Variants in KIF19 observed in about 807,000 individuals in gnomAD.
The protein encoded by KIF19 is kinesin family member 19, also known as kinesin-like protein KIF19.
In KIF19, 98 loss-of-function variants were observed where a neutral mutation model predicts 106.6. That is an observed-to-expected ratio of 0.92 (90% CI 0.78 to 1.09). The LOEUF (loss-of-function observed/expected upper bound fraction) is 1.09, where lower values mean the gene tolerates loss of function less well. KIF19 is among the 50% of genes least tolerant of loss of function. The probability of loss-of-function intolerance (pLI) is 0.00; values close to 1 mark genes in which losing one functional copy is unlikely to be tolerated. For missense variants in KIF19, 1,373 were observed against 1,414.3 expected (o/e 0.97, Z 0.47); for synonymous variants, 516 against 584.2 (o/e 0.88, Z 1.68).
intron 2 of KIF19, among the ~76,000 whole-genome samples, chr17:74,335,975 A>C (rs2054211127): frequency 6.6e-6 from 1 of 152,242 alleles, no homozygotes; most frequent in Non-Finnish European, 1.5e-5. Flanking sequence ...TGTGGCTTCA[A>C]CAACAGCCAC....
intron 2 of KIF19, among the ~76,000 whole-genome samples, chr17:74,330,836 G>T (rs2054057123): frequency 6.6e-6 from 1 of 152,210 alleles, no homozygotes; most frequent in Admixed American, 6.5e-5. Context: ...AGCTGGAGGT[G>T]CGGAGAGTCT....
chr17:74,326,227 G>A lies in KIF19; in HGVS notation c.-123G>A, dbSNP rs983324086. On this transcript the variant is annotated 5_prime_UTR_variant, in exon 1 of 20. Coordinates refer to ENST00000389916, the MANE Select transcript of KIF19 (RefSeq NM_153209.4). ...AGCCGCTGGCGCGTTGTTGGTTTCG[G>A]GTTGTCAGGCAGCGCGCGAGGCGGC... 5 of 877,048 alleles carry A rather than the reference G, an allele frequency of 5.7e-6. No individual in the cohort carries two copies. The African/African-American group carries it at 7.1e-5, about 12-fold the overall frequency. The allele number at this position is 877,048 out of a possible 1,614,324, so 54.3% of individuals were successfully genotyped here.
Position 74,326,266 on chromosome 17 carries a change from C to A in KIF19, c.-84C>A. ...GCGCGAGGCGGCGGGCAGCTAGCAG[C>A]TGGCGGACGCGACCCGGAGGCGGTG... is the stretch of plus-strand genomic sequence containing the variant. On this transcript the variant is annotated 5_prime_UTR_variant, in exon 1 of 20. It adds an upstream start codon to the 5' untranslated region. Coordinates refer to ENST00000389916, the MANE Select transcript of KIF19 (RefSeq NM_153209.4). 2 of 1,315,672 alleles carry A rather than the reference C, an allele frequency of 1.5e-6. No homozygotes were observed. The highest frequency in any genetic ancestry group is 2.1e-6 in the Non-Finnish European group (2 of 959,224). The allele number at this position is 1,315,672 out of a possible 1,614,324, so 81.5% of individuals were successfully genotyped here. A position where few individuals can be genotyped will look rare whatever the true frequency, so the allele number is the denominator to read the frequency against.
chr17:74,354,050 G>A (rs2054799916), intron 17 of KIF19, 112 bp from the exon 18 acceptor site: 19 of 1,228,072 alleles, frequency 1.5e-5, no homozygotes, highest in Non-Finnish European at 2.1e-5. Flanking sequence ...CCCTGGAAGT[G>A]CTAGGATTGA....
chr17:74,336,898 T>C (rs773287019), intron 2 of KIF19, among the ~76,000 whole-genome samples: 3 of 152,190 alleles, frequency 2.0e-5, no homozygotes, highest in Non-Finnish European at 4.4e-5. Flanking sequence ...CAATCTTGGC[T>C]CACTGCAACC....
At position 74,354,313 on chromosome 17, in the gene KIF19, TGC is replaced by T. The variant is rs780448625; in HGVS notation, c.2464_2465del (p.Arg822AlafsTer21). On this transcript the variant is annotated frameshift_variant, in exon 18 of 20. Transcript: ENST00000389916. LOFTEE classifies it high-confidence loss of function. ...TGCACTCACTGAGCGAGGGCGACGATGCGCGGCCACCAGGCCCACTGGCCTGC... is the reference window on the plus strand; with the variant it reads ...TGCACTCACTGAGCGAGGGCGACGATGCGGCCACCAGGCCCACTGGCCTGC... ...SLHSLSEGDD[A>X]RPPGPLACKR... 1 of 1,608,490 alleles carries T rather than the reference TGC, an allele frequency of 6.2e-7. No homozygotes were observed. The highest frequency in any genetic ancestry group is 8.5e-7 in the Non-Finnish European group (1 of 1,178,218).
chr17:74,333,216 CA>C (rs1004307114), intron 2 of KIF19, among the ~76,000 whole-genome samples: 5 of 152,068 alleles, frequency 3.3e-5, no homozygotes, highest in Admixed American at 3.3e-4. Context: ...GGGAGGGGGT[CA>C]GGATTCTTTA....
intron 2 of KIF19, among the ~76,000 whole-genome samples, chr17:74,337,573 T>C (rs1283790110): frequency 6.6e-6 from 1 of 152,152 alleles, no homozygotes; most frequent in Non-Finnish European, 1.5e-5. Flanking sequence ...AGTCCGAAAT[T>C]CTCTCTCCAC....
chr17:74,332,439 T>C (rs1165691862), intron 2 of KIF19, among the ~76,000 whole-genome samples: 1 of 151,668 alleles, frequency 6.6e-6, no homozygotes, highest in Non-Finnish European at 1.5e-5. Flanking sequence ...AAGCTACAGA[T>C]CAAACAGCCG....
intron 4 of KIF19, 55 bp from the exon 5 acceptor site, chr17:74,342,969 G>A: frequency 6.5e-7 from 1 of 1,528,956 alleles, no homozygotes; most frequent in Non-Finnish European, 8.8e-7. Context: ...TGCCTGCCCA[G>A]CAAGGCCTCC....
At chr17:74,342,861 C>G (rs2054420572) in intron 4 of KIF19, 144 bp downstream of exon 4, 1 of 1,184,624 alleles carries the variant, frequency 8.4e-7, no homozygotes, top group Non-Finnish European at 1.2e-6. Context: ...GCCCCAGAGG[C>G]CCCAACCCGA....
In KIF19 at chr17:74,355,418, C is replaced by A; in HGVS notation, c.*106C>A. On this transcript the variant is annotated 3_prime_UTR_variant, in exon 20 of 20. Transcript: ENST00000389916. ...GATGGAGATGACCAGGAAGTAAGCT[C>A]AGGATCTCAGCAGGCCAGGGCTCCT... 1 of 1,383,870 alleles carries A rather than the reference C, an allele frequency of 7.2e-7. No homozygotes were observed. Among genetic ancestry groups the A allele is most frequent in the South Asian group, 1.5e-5 (1 of 67,448 alleles). 85.7% of individuals were successfully genotyped at this position (1,383,870 alleles called of 1,614,324 possible).
chr17:74,349,433 C>A, intron 10 of KIF19, 84 bp downstream of exon 10: 2 of 1,382,828 alleles, frequency 1.4e-6, no homozygotes, highest in South Asian at 1.5e-5. Flanking sequence ...GTGTTCAAAT[C>A]CAGAATCGGG....
intron 2 of KIF19, among the ~76,000 whole-genome samples, chr17:74,330,597 G>A (rs1007242927): frequency 5.3e-5 from 8 of 152,228 alleles, no homozygotes; most frequent in Admixed American, 1.3e-4. Context: ...CCTGGCCTGC[G>A]TGGGGGCTGA....
At chr17:74,342,980 C>A in intron 4 of KIF19, 44 bp from the exon 5 acceptor site, 6 of 1,544,238 alleles carry the variant, frequency 3.9e-6, no homozygotes, top group South Asian at 2.4e-5. Context: ...CAAGGCCTCC[C>A]TCCCAGCCCC....
rs1201683620 is a variant in KIF19 at position 74,346,984 on chromosome 17, C to T, written c.924+460C>T. On this transcript the variant is annotated intron_variant, in intron 8 of 19. Transcript: ENST00000389916. The surrounding 1 kb of genome is among the most constrained non-coding windows in gnomAD (Gnocchi z 4.6). ...CTGGTCTCTTGAATTCAGTACTTCA[C>T]TCTATTAGCTCCTTAGATCTCGTCA... Among the ~76,000 whole-genome samples the T allele has an allele frequency of 6.6e-6, 1 of 152,188 alleles. No homozygotes were observed. The highest frequency in any genetic ancestry group is 2.4e-5 in the African/African-American group (1 of 41,440).
intron 2 of KIF19, among the ~76,000 whole-genome samples, chr17:74,333,201 G>A (rs1239314303): frequency 6.6e-6 from 1 of 151,946 alleles, no homozygotes; most frequent in Non-Finnish European, 1.5e-5. Flanking sequence ...GTGGAGAGTG[G>A]CTAGGGGAGG....
intron 2 of KIF19, among the ~76,000 whole-genome samples, chr17:74,339,373 A>G (rs1316240475): frequency 1.3e-5 from 2 of 151,900 alleles, no homozygotes; most frequent in Admixed American, 1.3e-4. Flanking sequence ...GATGATTCAA[A>G]TTGAAGTGCT....
At chr17:74,344,581 G>A (rs1394199587) in intron 6 of KIF19, among the ~76,000 whole-genome samples, 180 bp from the exon 7 acceptor site, 8 of 152,220 alleles carry the variant, frequency 5.3e-5, no homozygotes, top group Admixed American at 5.2e-4. Flanking sequence ...CAGAGACCCT[G>A]ACCTCCAGAG....
Sources: allele counts gnomAD v4.1 joint callset (sites outside exome capture counted in the v4.1 genomes callset), GRCh38; gene constraint gnomAD v4.1.1; non-coding constraint Gnocchi (gnomAD v3.1); transcripts MANE v1.5; gene names NCBI Gene and HGNC (gene_info 2026-07-23, HGNC 2026-07-21).